The following GAS7 variants were observed in gnomAD, a reference collection of about 807,000 sequenced individuals.
The protein encoded by GAS7 is growth arrest specific 7.
GAS7 carries 28 observed loss-of-function variants against 71.1 expected under a neutral mutation model. That is an observed-to-expected ratio of 0.39 (90% CI 0.29 to 0.54). The LOEUF (loss-of-function observed/expected upper bound fraction) is 0.54. Among genes scored for constraint, GAS7 ranks in the 20% least tolerant of loss-of-function variants. The pLI, the probability that GAS7 is intolerant of heterozygous loss-of-function variation, is 0.62. For missense variants in GAS7, 436 were observed against 627.8 expected (o/e 0.69, Z 3.27); for synonymous variants, 258 against 245.8 (o/e 1.05, Z -0.46).
intron 1 of GAS7, among the ~76,000 whole-genome samples, chr17:10,127,755 G>A (rs1020701776): frequency 1.3e-5 from 2 of 152,150 alleles, no homozygotes; most frequent in African/African-American, 2.4e-5. Context: ...CCCCAAGACT[G>A]GGCAAGCTCC....
chr17:10,140,918 C>A (rs998512862), intron 1 of GAS7, among the ~76,000 whole-genome samples: 2 of 152,254 alleles, frequency 1.3e-5, no homozygotes, highest in Non-Finnish European at 2.9e-5. Context: ...CCACACTGGC[C>A]ACTATGCCTC....
intron 1 of GAS7, among the ~76,000 whole-genome samples, chr17:10,082,534 T>C (rs1201289610): frequency 6.6e-6 from 1 of 152,230 alleles, no homozygotes; most frequent in Non-Finnish European, 1.5e-5. Flanking sequence ...CAGAAGCTCA[T>C]ACGCTGCTGT....
At chr17:10,169,119 A>G (rs2074316323) in intron 1 of GAS7, among the ~76,000 whole-genome samples, 2 of 151,820 alleles carry the variant, frequency 1.3e-5, no homozygotes, top group African/African-American at 2.4e-5. Context: ...TACTAAAAAT[A>G]CAAAATAGCC....
intron 1 of GAS7, among the ~76,000 whole-genome samples, chr17:10,091,440 C>T (rs952266474): frequency 8.5e-5 from 13 of 152,070 alleles, no homozygotes; most frequent in African/African-American, 2.7e-4. Context: ...CAGGCTAGAG[C>T]ACGGTGGTGG....
chr17:10,110,351 T>C (rs2073799480), intron 1 of GAS7, among the ~76,000 whole-genome samples: 1 of 152,142 alleles, frequency 6.6e-6, no homozygotes, highest in Admixed American at 6.5e-5. Context: ...AAAGTTGCTC[T>C]CGTGGAGATG....
chr17:9,947,136 T>A (rs2068818150), intron 5 of GAS7, among the ~76,000 whole-genome samples, 153 bp from the exon 6 acceptor site: 1 of 152,120 alleles, frequency 6.6e-6, no homozygotes, highest in Non-Finnish European at 1.5e-5. Flanking sequence ...GCATTTCACA[T>A]GAGCGGCAAC....
intron 1 of GAS7, 64 bp downstream of exon 1, chr17:10,198,144 C>G: frequency 2.7e-6 from 4 of 1,485,624 alleles, no homozygotes; most frequent in Admixed American, 3.4e-5. Flanking sequence ...GAACGGGCAA[C>G]AGGTACGCGA....
chr17:9,954,965 C>T (rs1057420445), intron 5 of GAS7, among the ~76,000 whole-genome samples: 10 of 152,062 alleles, frequency 6.6e-5, no homozygotes, highest in African/African-American at 2.4e-4. Flanking sequence ...ACTGGAGCCT[C>T]GATGTTTATT....
chr17:9,997,253 C>CGGGG (rs371944232), intron 2 of GAS7, among the ~76,000 whole-genome samples: 6 of 37,162 alleles, frequency 1.6e-4, no homozygotes, highest in African/African-American at 3.8e-4. Flanking sequence ...CGGGTGGGGG[C>CGGGG]GGGGGCGGTG....
intron 1 of GAS7, among the ~76,000 whole-genome samples, chr17:10,117,373 C>T (rs739353): frequency 0.057 from 8,743 of 152,210 alleles, 296 homozygotes; most frequent in Non-Finnish European, 0.069. Context: ...ATCCCATCTG[C>T]CACAGAAGGT....
intron 1 of GAS7, among the ~76,000 whole-genome samples, chr17:10,193,029 G>C (rs1228173565): frequency 1.3e-5 from 2 of 152,132 alleles, no homozygotes; most frequent in African/African-American, 4.8e-5. Flanking sequence ...AGAAAGAAAG[G>C]AAAAGGCTCT....
chr17:10,135,820 T>C (rs1464607538), intron 1 of GAS7, among the ~76,000 whole-genome samples: 1 of 152,294 alleles, frequency 6.6e-6, no homozygotes, highest in East Asian at 1.9e-4. Flanking sequence ...TGGATGCCTA[T>C]GCTCTGAGAA....
intron 1 of GAS7, among the ~76,000 whole-genome samples, chr17:10,117,274 C>T (rs1334501332): frequency 3.3e-5 from 5 of 152,084 alleles, no homozygotes; most frequent in African/African-American, 1.2e-4. Context: ...GCCTCCCTCT[C>T]ATAAGGACCC....
At chr17:10,082,314 A>AT (rs2073465915) in intron 1 of GAS7, among the ~76,000 whole-genome samples, 1 of 152,208 alleles carries the variant, frequency 6.6e-6, no homozygotes, top group Non-Finnish European at 1.5e-5. Context: ...AACACACAGG[A>AT]TTTTTAATGT....
rs375034855 is a variant in GAS7 at position 10,048,578 on chromosome 17, C to T, written c.184-28681G>A. Among the ~76,000 whole-genome samples, 6 of 152,198 alleles carry T rather than the reference C, an allele frequency of 3.9e-5. No individual in the cohort carries two copies. In the South Asian group the frequency reaches 6.2e-4, roughly 16 times the overall value. On this transcript the variant is annotated intron_variant, in intron 1 of 13. Transcript: ENST00000432992. ...AGTTTAAAGCTTCACGGGGTACAGTCATTGTTATGTCCATTGCTGTGGGTA... is the reference window on the plus strand; with the variant it reads ...AGTTTAAAGCTTCACGGGGTACAGTTATTGTTATGTCCATTGCTGTGGGTA...
At chr17:10,032,310 C>A (rs2152220643) in intron 1 of GAS7, among the ~76,000 whole-genome samples, 1 of 152,230 alleles carries the variant, frequency 6.6e-6, no homozygotes, top group Non-Finnish European at 1.5e-5. Context: ...ACATTTTATT[C>A]AAACTCTCCA....
intron 1 of GAS7, among the ~76,000 whole-genome samples, chr17:10,071,583 G>T (rs2152246990): frequency 6.6e-6 from 1 of 152,214 alleles, no homozygotes; most frequent in Admixed American, 6.5e-5. Flanking sequence ...TTAAAAAAAA[G>T]TTTTGACTTA....
chr17:9,971,346 C>T (rs1379586422), intron 3 of GAS7, among the ~76,000 whole-genome samples: 1 of 152,004 alleles, frequency 6.6e-6, no homozygotes, highest in South Asian at 2.1e-4. Flanking sequence ...ACTGCTTGAG[C>T]CTAGGAGTTT....
intron 1 of GAS7, among the ~76,000 whole-genome samples, chr17:10,182,016 C>A (rs1194805498): frequency 6.6e-6 from 1 of 152,154 alleles, no homozygotes; most frequent in Non-Finnish European, 1.5e-5. Flanking sequence ...GGAAGGAACC[C>A]TCAGTTCCCA....
Sources: gnomAD v4.1 joint callset for allele counts (sites outside exome capture counted in the v4.1 genomes callset) on GRCh38, gnomAD v4.1.1 for gene constraint, MANE v1.5 for transcripts, NCBI Gene and HGNC (gene_info 2026-07-23, HGNC 2026-07-21) for gene names.